Variants in ZNF33A observed in about 807,000 individuals in gnomAD.
ZNF33A encodes the protein brain my041 protein.
A neutral mutation model predicts 15.9 loss-of-function variants in ZNF33A; 9 were observed. The ratio of observed to expected loss-of-function variants is 0.57; its 90% confidence interval spans 0.34 to 0.99. The LOEUF (loss-of-function observed/expected upper bound fraction) is 0.99. Ranked by LOEUF, ZNF33A falls within the 50% of genes least tolerant of loss-of-function variation. The pLI is 0.02. For synonymous variants in ZNF33A, 294 were observed against 324.2 expected, an observed-to-expected ratio of 0.91 and a Z score of 1.00; for missense variants, 843 against 941.6, an observed-to-expected ratio of 0.90 and a Z score of 1.37.
intron 4 of ZNF33A, among the ~76,000 whole-genome samples, chr10:38,053,146 C>T (rs562988766): frequency 3.7e-4 from 56 of 151,818 alleles, no homozygotes; most frequent in Non-Finnish European, 7.9e-4. Flanking sequence ...GTGTAGTTTC[C>T]CCTTTGGCTC....
chr10:38,038,582 C>T (rs896874875), intron 4 of ZNF33A, among the ~76,000 whole-genome samples: 4 of 152,142 alleles, frequency 2.6e-5, no homozygotes, highest in African/African-American at 9.7e-5. Flanking sequence ...AATCTAAATT[C>T]CCCTTCCCCT....
intron 4 of ZNF33A, among the ~76,000 whole-genome samples, chr10:38,022,917 A>G (rs948418755): frequency 6.6e-6 from 1 of 152,134 alleles, no homozygotes; most frequent in African/African-American, 2.4e-5. Flanking sequence ...ATTTTACACA[A>G]TGTCCTCAGA....
At position 38,058,933 on chromosome 10, in the gene ZNF33A, A is replaced by G. The variant is rs1455672616; in HGVS notation, c.*2373A>G. The G allele has an allele frequency of 1.3e-5, 2 of 152,222 alleles. No individual in the cohort carries two copies. The highest frequency in any genetic ancestry group is 2.9e-5 in the Non-Finnish European group (2 of 68,036). The allele number at this position is 152,222 out of a possible 1,614,324, so 9.4% of individuals were successfully genotyped here. The stretch of plus-strand genomic sequence containing the variant: ...TCCCAACTCATTTTGTGAGGCCAGT[A>G]TTACCCTAATAGCAAAACCAGGCAA... On this transcript the variant is annotated 3_prime_UTR_variant, in exon 5 of 5. Transcript: ENST00000432900.
chr10:38,060,197 C>A, downstream of ZNF33A: 1 of 715,436 alleles, frequency 1.4e-6, no homozygotes, highest in South Asian at 6.2e-5. Context: ...TAACTGTGAC[C>A]TGAAATTAAG....
intron 4 of ZNF33A, among the ~76,000 whole-genome samples, chr10:38,021,145 A>G (rs2064721149): frequency 6.6e-6 from 1 of 152,250 alleles, no homozygotes; most frequent in South Asian, 2.1e-4. Flanking sequence ...GATAAAGTAT[A>G]TAAAAAGATA....
chr10:38,010,975 G>C (rs1232241393), intron 1 of ZNF33A, among the ~76,000 whole-genome samples, 192 bp downstream of exon 1: 2 of 152,222 alleles, frequency 1.3e-5, no homozygotes, highest in African/African-American at 4.8e-5. Context: ...TCTGTACGGA[G>C]CAGGGTACGC....
At position 38,027,649 on chromosome 10, in the gene ZNF33A, A is replaced by G. The variant is rs537377975; in HGVS notation, c.250+10263A>G. Among the ~76,000 whole-genome samples, 2 of 152,134 alleles carry G rather than the reference A, an allele frequency of 1.3e-5. 1 individual carries two copies. The highest frequency in any genetic ancestry group is 4.2e-4 in the South Asian group (2 of 4,814). On this transcript the variant is annotated intron_variant, in intron 4 of 4. Transcript: ENST00000432900. The stretch of plus-strand genomic sequence containing the variant: ...GGTGCTATCCACTATGCCCAGCCTC[A>G]GTCTAAAACTGTTAACTGTAAGAAC...
At chr10:38,035,082 G>T (rs985392872) in intron 4 of ZNF33A, among the ~76,000 whole-genome samples, 10 of 147,674 alleles carry the variant, frequency 6.8e-5, no homozygotes, top group African/African-American at 2.5e-4. Context: ...AAGAAATCTG[G>T]CTCTAACCAT....
chr10:38,025,214 T>TATAA (rs2064932949), intron 4 of ZNF33A, among the ~76,000 whole-genome samples: 2 of 152,314 alleles, frequency 1.3e-5, no homozygotes, highest in African/African-American at 4.8e-5. Context: ...TATTAATAGC[T>TATAA]ATAATAATCA....
At chr10:38,042,754 T>C (rs958667431) in intron 4 of ZNF33A, among the ~76,000 whole-genome samples, 4 of 152,094 alleles carry the variant, frequency 2.6e-5, no homozygotes, top group African/African-American at 4.8e-5. Flanking sequence ...TGTCTCAATA[T>C]GTTGCCTAAG....
chr10:38,017,014 G>C lies in ZNF33A; in HGVS notation c.153G>C (p.Val51=), dbSNP rs1203884608. Residue 51 remains valine (V), a splice_region_variant and synonymous_variant, in exon 3 of 5, where the codon GTG becomes GTC. Transcript: ENST00000432900. ...MLENYSNLVS[V]GYCVHKPEVI... ...AGAACTACAGCAACCTTGTCTCAGT[G>C]GGTAAGGTCTGTTCACTGTATCATT... The C allele has an allele frequency of 2.5e-6, 4 of 1,604,018 alleles. No individual in the cohort carries two copies. Among genetic ancestry groups the C allele is most frequent in the Admixed American group, 1.8e-5 (1 of 56,552 alleles).
Position 38,012,347 on chromosome 10 carries a change from C to G in ZNF33A, c.6C>G (p.Asn2Lys). 6.2e-7 allele frequency: 1 copy of G among 1,607,930 alleles called. No individual in the cohort carries two copies. Among genetic ancestry groups the G allele is most frequent in the East Asian group, 2.2e-5 (1 of 44,508 alleles). The stretch of plus-strand genomic sequence containing the variant: ...CTTTCCAAGAACAGAACAAAATGAA[C>G]AAGGTAAGTTGTTTATTAATTCCCT... MNKVEQKSQESV... is the reference protein window; with the variant it reads MKKVEQKSQESV... The change falls in exon 2 of 5, where the codon AAC becomes AAG. Residue 2 changes from asparagine (N) to lysine (K), a missense_variant. By Grantham distance (94) the Asn-to-Lys change is moderately conservative. Coordinates refer to ENST00000432900, the MANE Select transcript of ZNF33A (RefSeq NM_006954.2).
chr10:38,045,305 G>A (rs893905635), intron 4 of ZNF33A, among the ~76,000 whole-genome samples: 1 of 152,162 alleles, frequency 6.6e-6, no homozygotes, highest in Admixed American at 6.5e-5. Flanking sequence ...CTTTGGGATG[G>A]CAGTGGTGTT....
chr10:38,044,243 T>C (rs1251839783), intron 4 of ZNF33A, among the ~76,000 whole-genome samples: 2 of 151,370 alleles, frequency 1.3e-5, no homozygotes, highest in African/African-American at 4.9e-5. Flanking sequence ...GTTTCTCTCT[T>C]GTTGCCCAGG....
intron 4 of ZNF33A, among the ~76,000 whole-genome samples, chr10:38,031,652 T>A (rs933732911): frequency 1.3e-5 from 2 of 150,956 alleles, no homozygotes; most frequent in Non-Finnish European, 3.0e-5. Flanking sequence ...CTATAAATAA[T>A]TCAGCTTCTT....
At chr10:38,066,168 A>C (rs1338304009), downstream of ZNF33A, among the ~76,000 whole-genome samples, 1 of 152,196 alleles carries the variant, frequency 6.6e-6, no homozygotes, top group Non-Finnish European at 1.5e-5. Context: ...TTTCTTCGAC[A>C]CAGTCCCTTT....
Position 38,054,643 on chromosome 10 carries a change from TG to T in ZNF33A, c.522del (p.Lys175AsnfsTer20). 1 of 1,612,710 alleles carries T rather than the reference TG, an allele frequency of 6.2e-7. No homozygotes were observed. Among genetic ancestry groups the T allele is most frequent in the Non-Finnish European group, 8.5e-7 (1 of 1,179,692 alleles). The part of the protein sequence containing the change: ...GKKSDEFNAC[G>X]KLLLNIKHDE... ...AAAAGTCTGATGAATTTAATGCCTG[TG>T]GGAAATTGTTACTCAATATTAAGCA... On this transcript the variant is annotated frameshift_variant, in exon 5 of 5. Transcript: ENST00000432900. LOFTEE classifies it low-confidence loss of function (END_TRUNC).
At chr10:38,037,884 C>A (rs747607155) in intron 4 of ZNF33A, among the ~76,000 whole-genome samples, 3 of 152,050 alleles carry the variant, frequency 2.0e-5, no homozygotes, top group Admixed American at 6.6e-5. Flanking sequence ...AAATTTTAGA[C>A]CAGCTTGTTA....
intron 4 of ZNF33A, among the ~76,000 whole-genome samples, chr10:38,047,207 AAAAAAAG>A (rs1357935495): frequency 5.0e-4 from 76 of 150,900 alleles, no homozygotes; most frequent in African/African-American, 1.8e-3. Flanking sequence ...AAAAAAAAAA[AAAAAAAG>A]AATAACACAT....
Sources: allele counts gnomAD v4.1 joint callset (sites outside exome capture counted in the v4.1 genomes callset), GRCh38; gene constraint gnomAD v4.1.1; transcripts MANE v1.5; gene names NCBI Gene and HGNC (gene_info 2026-07-23, HGNC 2026-07-21).